TRAPPC9: variants seen among roughly 807,000 people sequenced by gnomAD.
TRAPPC9 encodes IKK2 binding protein.
A neutral mutation model predicts 124.0 loss-of-function variants in TRAPPC9; 83 were observed. That is an observed-to-expected ratio of 0.67 (90% CI 0.56 to 0.80). TRAPPC9 has a LOEUF of 0.80. Among genes scored for constraint, TRAPPC9 ranks in the 30% least tolerant of loss-of-function variants. The pLI, the probability that TRAPPC9 is intolerant of heterozygous loss-of-function variation, is 0.00. For synonymous variants in TRAPPC9, 638 were observed against 617.5 expected, an observed-to-expected ratio of 1.03 and a Z score of -0.49; for missense variants, 1,302 against 1,508.3, an observed-to-expected ratio of 0.86 and a Z score of 2.27.
At chr8:140,210,534 T>TC (rs2063034400) in intron 17 of TRAPPC9, among the ~76,000 whole-genome samples, 2 of 151,954 alleles carry the variant, frequency 1.3e-5, no homozygotes, top group East Asian at 1.9e-4. Flanking sequence ...CTCTTCCATG[T>TC]CCCCCCACGC....
chr8:140,281,099 C>G (rs1278669848), intron 14 of TRAPPC9, among the ~76,000 whole-genome samples: 1 of 152,238 alleles, frequency 6.6e-6, no homozygotes, highest in Non-Finnish European at 1.5e-5. Context: ...GCTATGAACA[C>G]TCGCACACAG....
chr8:139,999,165 A>G (rs1317985677), intron 18 of TRAPPC9, among the ~76,000 whole-genome samples: 3 of 152,214 alleles, frequency 2.0e-5, no homozygotes, highest in Non-Finnish European at 2.9e-5. Flanking sequence ...AGTCTCATTA[A>G]TAGACAGAGA....
At chr8:140,161,308 G>A (rs2130890366) in intron 17 of TRAPPC9, among the ~76,000 whole-genome samples, 1 of 152,290 alleles carries the variant, frequency 6.6e-6, no homozygotes, top group African/African-American at 2.4e-5. Flanking sequence ...GGCCCCGGAT[G>A]ACGCAGCTAG....
chr8:140,367,194 A>G (rs2068139961), intron 8 of TRAPPC9, among the ~76,000 whole-genome samples: 1 of 152,226 alleles, frequency 6.6e-6, no homozygotes, highest in Non-Finnish European at 1.5e-5. Flanking sequence ...TATTTTTACC[A>G]TATCATCCAG....
In TRAPPC9 at chr8:140,089,946, G is replaced by A. The variant is rs550902244; in HGVS notation, c.2557-65867C>T. On this transcript the variant is annotated intron_variant, in intron 17 of 22. Coordinates refer to ENST00000438773, the MANE Select transcript of TRAPPC9 (RefSeq NM_001160372.4). ...TATAAAAAAAGTAGCTGGGTGTGGCGGTGCACGCCTGTAGTCCCAGCTGCT... is the reference window on the plus strand; with the variant it reads ...TATAAAAAAAGTAGCTGGGTGTGGCAGTGCACGCCTGTAGTCCCAGCTGCT... Among the ~76,000 whole-genome samples the A allele has an allele frequency of 1.5e-4, 23 of 152,232 alleles. No homozygotes were observed. The South Asian group carries it at 3.5e-3, about 23-fold the overall frequency.
At chr8:140,287,479 G>A (rs2065521432) in intron 13 of TRAPPC9, 129 bp downstream of exon 13, 1 of 1,300,348 alleles carries the variant, frequency 7.7e-7, no homozygotes, top group South Asian at 1.2e-5. Context: ...TTCCCAAAGA[G>A]ACAAGGTCTT....
chr8:140,317,392 A>T (rs905688333), intron 9 of TRAPPC9, among the ~76,000 whole-genome samples: 1 of 152,134 alleles, frequency 6.6e-6, no homozygotes, highest in African/African-American at 2.4e-5. Context: ...TCCTTTGGAT[A>T]AGGTCCCATT....
At chr8:140,226,912 C>T (rs1400817241) in intron 16 of TRAPPC9, among the ~76,000 whole-genome samples, 1 of 151,826 alleles carries the variant, frequency 6.6e-6, no homozygotes, top group Non-Finnish European at 1.5e-5. Context: ...GGACACAGAC[C>T]TCAAAATCTC....
chr8:140,451,127 T>C lies in TRAPPC9; in HGVS notation c.247A>G (p.Ile83Val), dbSNP rs766604365. Residue 83 changes from isoleucine (I) to valine (V), a missense_variant, in exon 2 of 23, where the codon ATC becomes GTC. Ile to Val is a conservative substitution (Grantham distance 29). Transcript: ENST00000438773. ...THRKVVGLITITDCFSAKDWP... is the reference protein window; with the variant it reads ...THRKVVGLITVTDCFSAKDWP... ...TCCTTGGCCGAGAAGCAGTCTGTGA[T>C]GGTGATGAGGCCCACGACTTTGCGG... 3 of 1,614,052 alleles carry C rather than the reference T, an allele frequency of 1.9e-6. No homozygotes were observed. Among genetic ancestry groups the C allele is most frequent in the Non-Finnish European group, 2.5e-6 (3 of 1,179,988 alleles).
At chr8:139,800,358 T>C (rs572647667) in intron 21 of TRAPPC9, among the ~76,000 whole-genome samples, 1 of 152,352 alleles carries the variant, frequency 6.6e-6, no homozygotes, top group African/African-American at 2.4e-5. Context: ...TGGGAGCATG[T>C]GCCCCAGAGA....
intron 20 of TRAPPC9, among the ~76,000 whole-genome samples, chr8:139,899,120 CAAAAAAAAAA>C (rs33927933): frequency 6.6e-5 from 3 of 45,468 alleles, no homozygotes; most frequent in African/African-American, 9.9e-5. Flanking sequence ...AACTCCGTCT[CAAAAAAAAAA>C]AAAAAAAAAA....
In TRAPPC9 at chr8:140,182,698, A is replaced by G. The variant is rs564140271; in HGVS notation, c.2556+38761T>C. Among the ~76,000 whole-genome samples the G allele has an allele frequency of 1.5e-4, 23 of 152,320 alleles. No homozygotes were observed. The highest frequency in any genetic ancestry group is 5.5e-4 in the African/African-American group (23 of 41,576). ...TTGTGCCATTTGAGAGCTTACTTTAAGAAATTCTAAAAATACAGCCTCTTG... is the reference window on the plus strand; with the variant it reads ...TTGTGCCATTTGAGAGCTTACTTTAGGAAATTCTAAAAATACAGCCTCTTG... On this transcript the variant is annotated intron_variant, in intron 17 of 22. Transcript: ENST00000438773. The surrounding 1 kb of genome is among the most constrained non-coding windows in gnomAD (Gnocchi z 4.0).
At chr8:139,810,221 C>T (rs981243109) in intron 21 of TRAPPC9, among the ~76,000 whole-genome samples, 1 of 152,168 alleles carries the variant, frequency 6.6e-6, no homozygotes, top group Non-Finnish European at 1.5e-5. Flanking sequence ...GGTAACTGAC[C>T]TAACAGGGCA....
At chr8:139,732,780 C>T (rs988587344) in intron 21 of TRAPPC9, among the ~76,000 whole-genome samples, 6 of 152,170 alleles carry the variant, frequency 3.9e-5, no homozygotes, top group African/African-American at 1.4e-4. Context: ...GTCCAGGGTG[C>T]CTGACACACA....
chr8:139,794,900 A>G (rs1822939586), intron 21 of TRAPPC9, among the ~76,000 whole-genome samples: 1 of 152,220 alleles, frequency 6.6e-6, no homozygotes, highest in African/African-American at 2.4e-5. Context: ...AGGCTGTGCC[A>G]TCCTGAGTCA....
At chr8:140,208,243 A>G (rs1587926789) in intron 17 of TRAPPC9, among the ~76,000 whole-genome samples, 1 of 152,194 alleles carries the variant, frequency 6.6e-6, no homozygotes, top group East Asian at 1.9e-4. Flanking sequence ...ACCCCAAACT[A>G]AGCTACTTTG....
intron 17 of TRAPPC9, among the ~76,000 whole-genome samples, chr8:140,070,254 A>G (rs919833040): frequency 2.6e-5 from 4 of 152,224 alleles, no homozygotes; most frequent in Non-Finnish European, 5.9e-5. Context: ...CTACTTTTGA[A>G]TTATTTTAAG....
intron 21 of TRAPPC9, among the ~76,000 whole-genome samples, chr8:139,823,323 G>C (rs1419906627): frequency 6.6e-6 from 1 of 151,812 alleles, no homozygotes; most frequent in Non-Finnish European, 1.5e-5. Flanking sequence ...GGGGAAGCAG[G>C]TGGGGACCGA....
chr8:140,294,347 GC>G lies in TRAPPC9; in HGVS notation c.1769-3270del, dbSNP rs2065746959. ...CGCCTGACCCCGCCTCACCCAGCCTGCCCGGGGCCACTGATGGTCAGCATCC... is the reference window on the plus strand; with the variant it reads ...CGCCTGACCCCGCCTCACCCAGCCTGCCGGGGCCACTGATGGTCAGCATCC... On this transcript the variant is annotated intron_variant, in intron 11 of 22. Transcript: ENST00000438773. 2.0e-5 allele frequency among the ~76,000 whole-genome samples: 3 copies of G among 152,040 alleles called. No homozygotes were observed. In the South Asian group the frequency reaches 6.2e-4, roughly 31 times the overall value.
Sources: allele counts gnomAD v4.1 joint callset (sites outside exome capture counted in the v4.1 genomes callset), GRCh38; gene constraint gnomAD v4.1.1; non-coding constraint Gnocchi (gnomAD v3.1); transcripts MANE v1.5; gene names NCBI Gene and HGNC (gene_info 2026-07-23, HGNC 2026-07-21).